The following SLC10A7 variants were observed in gnomAD, a reference collection of about 807,000 sequenced individuals.
SLC10A7 encodes solute carrier family 10 member 7, also known as sodium/bile acid cotransporter 7.
Under a neutral mutation model 43.2 loss-of-function variants are expected in SLC10A7, and 29 were observed. The observed-to-expected ratio is 0.67, with a 90% CI of 0.50 to 0.92. The LOEUF is 0.92. Among genes scored for constraint, SLC10A7 ranks in the 40% least tolerant of loss-of-function variants. The pLI is 0.00. For missense variants in SLC10A7, 295 were observed against 403.2 expected, an observed-to-expected ratio of 0.73 and a Z score of 2.30; for synonymous variants, 152 against 144.8, an observed-to-expected ratio of 1.05 and a Z score of -0.35.
chr4:146,334,134 T>A (rs913326607), intron 5 of SLC10A7, among the ~76,000 whole-genome samples: 1 of 152,044 alleles, frequency 6.6e-6, no homozygotes, highest in Non-Finnish European at 1.5e-5. Flanking sequence ...GAACTGGGGA[T>A]GCACAGACTC....
intron 9 of SLC10A7, among the ~76,000 whole-genome samples, chr4:146,289,004 T>C (rs975708766): frequency 6.6e-6 from 1 of 152,198 alleles, no homozygotes; most frequent in East Asian, 1.9e-4. Flanking sequence ...TCACAGAATG[T>C]AGAACAGAAA....
intron 5 of SLC10A7, among the ~76,000 whole-genome samples, chr4:146,359,399 TA>T (rs1370529442): frequency 2.0e-5 from 3 of 152,300 alleles, no homozygotes; most frequent in African/African-American, 7.2e-5. Flanking sequence ...GAAATCCAAT[TA>T]ATCAATCTTT....
chr4:146,259,647 G>C (rs191647463), intron 10 of SLC10A7, among the ~76,000 whole-genome samples: 1 of 152,268 alleles, frequency 6.6e-6, no homozygotes, highest in African/African-American at 2.4e-5. Flanking sequence ...TGTCTTCATG[G>C]AACTCAAATG....
In SLC10A7 at chr4:146,292,959, A is replaced by G; in HGVS notation, c.743T>C (p.Phe248Ser). ...TGAAAAGATGAAAGTTAAAAGCATA[A>G]AACTCAGCTGGATAGAAAATACTGA... ...LFIIFSIQLS[F>S]MLLTFIFSTR... Residue 248 changes from phenylalanine (F) to serine (S), a missense_variant, in exon 9 of 12, where the codon TTT (phenylalanine) becomes TCT (serine). Physicochemically the swap from Phe to Ser is radical, Grantham distance 155. Coordinates refer to ENST00000335472, the MANE Select transcript of SLC10A7 (RefSeq NM_001029998.6). 6.3e-7 allele frequency: 1 copy of G among 1,592,858 alleles called. No individual in the cohort carries two copies. Among genetic ancestry groups the G allele is most frequent in the Non-Finnish European group, 8.6e-7 (1 of 1,164,490 alleles).
intron 6 of SLC10A7, among the ~76,000 whole-genome samples, chr4:146,320,739 C>G (rs560626973): frequency 6.6e-6 from 1 of 152,024 alleles, no homozygotes; most frequent in Non-Finnish European, 1.5e-5. Flanking sequence ...AAGATGCTAA[C>G]ATTTTTTTTG....
At chr4:146,286,438 C>CTGAG (rs1305275483) in intron 9 of SLC10A7, among the ~76,000 whole-genome samples, 1 of 48,820 alleles carries the variant, frequency 2.0e-5, no homozygotes, top group Non-Finnish European at 3.7e-5. Flanking sequence ...GTGAGAAGGA[C>CTGAG]TCTGGAGTGG....
chr4:146,467,416 T>C (rs1733125060), intron 4 of SLC10A7, among the ~76,000 whole-genome samples: 1 of 150,724 alleles, frequency 6.6e-6, no homozygotes, highest in African/African-American at 2.4e-5. Context: ...ACTAAATTGC[T>C]AAGCTCCCTA....
At chr4:146,266,187 T>A (rs1728539956) in intron 10 of SLC10A7, among the ~76,000 whole-genome samples, 1 of 152,346 alleles carries the variant, frequency 6.6e-6, no homozygotes, top group East Asian at 1.9e-4. Context: ...GTTAGAAACA[T>A]CCATAAGTTT....
chr4:146,452,592 TTA>T (rs1331926986), intron 4 of SLC10A7, among the ~76,000 whole-genome samples: 1 of 152,114 alleles, frequency 6.6e-6, no homozygotes, highest in East Asian at 1.9e-4. Flanking sequence ...GTTGCTAGTT[TTA>T]CTATTGACTA....
At chr4:146,256,716 T>C (rs80333188) in intron 11 of SLC10A7, 196 bp from the exon 12 acceptor site, 2 of 999,070 alleles carry the variant, frequency 2.0e-6, no homozygotes, top group Middle Eastern at 2.1e-4. Flanking sequence ...CTTTGTCATT[T>C]CCCCTCCCAC....
intron 10 of SLC10A7, among the ~76,000 whole-genome samples, chr4:146,273,005 T>A (rs1346759716): frequency 6.6e-6 from 1 of 152,140 alleles, no homozygotes; most frequent in African/African-American, 2.4e-5. Flanking sequence ...ACTGAGGGCA[T>A]GTGAGTTGAT....
chr4:146,306,104 C>G, intron 6 of SLC10A7, 95 bp from the exon 7 acceptor site: 1 of 1,001,694 alleles, frequency 1.0e-6, no homozygotes, highest in Non-Finnish European at 1.4e-6. Flanking sequence ...TTCTCAGGCG[C>G]ACCAAAAATT....
rs1446725943 is a variant in SLC10A7 at position 146,254,125 on chromosome 4, T to C, written c.*2366A>G. ...ACACTGAACATTAGCTAGAGGTGTG[T>C]TAATTTTTAACAGAATAGGGAAAAA... On this transcript the variant is annotated 3_prime_UTR_variant, in exon 12 of 12. Transcript: ENST00000335472. 1.3e-5 allele frequency: 2 copies of C among 152,170 alleles called. No individual in the cohort carries two copies. The highest frequency in any genetic ancestry group is 2.9e-5 in the Non-Finnish European group (2 of 68,040). 9.4% of individuals were successfully genotyped at this position (152,170 alleles called of 1,614,324 possible).
intron 7 of SLC10A7, among the ~76,000 whole-genome samples, chr4:146,301,928 AC>A (rs1212245533): frequency 6.6e-6 from 1 of 152,240 alleles, no homozygotes; most frequent in Non-Finnish European, 1.5e-5. Context: ...CTACCTTTTG[AC>A]TACCATTATT....
chr4:146,287,885 T>C (rs1730138775), intron 9 of SLC10A7, among the ~76,000 whole-genome samples: 1 of 152,204 alleles, frequency 6.6e-6, no homozygotes, highest in African/African-American at 2.4e-5. Flanking sequence ...TATCTTGTTC[T>C]TTTCAAGGTT....
chr4:146,385,922 G>A (rs971458360), intron 5 of SLC10A7, among the ~76,000 whole-genome samples: 2 of 152,160 alleles, frequency 1.3e-5, no homozygotes, highest in Non-Finnish European at 2.9e-5. Flanking sequence ...TGCTGCAGAA[G>A]TCATGATTTC....
chr4:146,497,835 A>T (rs2150019071), intron 4 of SLC10A7, among the ~76,000 whole-genome samples: 1 of 152,200 alleles, frequency 6.6e-6, no homozygotes, highest in African/African-American at 2.4e-5. Flanking sequence ...TAGTTATTGT[A>T]AGGCAGAAGT....
intron 5 of SLC10A7, among the ~76,000 whole-genome samples, chr4:146,346,034 C>T (rs1195666743): frequency 6.6e-6 from 1 of 152,124 alleles, no homozygotes; most frequent in Admixed American, 6.6e-5. Flanking sequence ...TGGACTCCAA[C>T]AGTTTGATTT....
In SLC10A7 at chr4:146,495,725, T is replaced by A. The variant is rs139707326; in HGVS notation, c.396+8124A>T. Among the ~76,000 whole-genome samples the A allele has an allele frequency of 3.8e-3, 573 of 151,414 alleles. 3 individuals are homozygous for A. The highest frequency in any genetic ancestry group is 0.013 in the African/African-American group (555 of 41,270). On this transcript the variant is annotated intron_variant, in intron 4 of 11. Coordinates refer to ENST00000335472, the MANE Select transcript of SLC10A7 (RefSeq NM_001029998.6). ...TTGCTCAGGAGACATTCTTAAATTG[T>A]CTTTGAAGAGATTTGAGCACCAGCC...
Sources: gnomAD v4.1 joint callset for allele counts (sites outside exome capture counted in the v4.1 genomes callset) on GRCh38, gnomAD v4.1.1 for gene constraint, MANE v1.5 for transcripts, NCBI Gene and HGNC (gene_info 2026-07-23, HGNC 2026-07-21) for gene names.